AFG2A: variants seen among roughly 807,000 people sequenced by gnomAD.
AFG2A encodes the protein AAA ATPase AFG2A.
chr4:123,238,398 A>C, the AFG2A span, among the ~76,000 whole-genome samples: 1 of 152,180 alleles, frequency 6.6e-6, no homozygotes, highest in Non-Finnish European at 1.5e-5. Context: ...ACCCCCATGT[A>C]GCCTAACTGG....
chr4:122,982,031 G>T, the AFG2A span, among the ~76,000 whole-genome samples: 3 of 151,912 alleles, frequency 2.0e-5, no homozygotes, highest in East Asian at 3.9e-4. Context: ...ATGACTTTCA[G>T]TACTATATTA....
At chr4:123,199,403 G>C in the AFG2A span, among the ~76,000 whole-genome samples, 1 of 148,274 alleles carries the variant, frequency 6.7e-6, no homozygotes, top group South Asian at 2.1e-4. Flanking sequence ...TTTATGAAAG[G>C]AACATAGCAG....
At chr4:123,031,613 CAG>C in the AFG2A span, among the ~76,000 whole-genome samples, 1 of 152,138 alleles carries the variant, frequency 6.6e-6, no homozygotes, top group East Asian at 1.9e-4. Flanking sequence ...TGAAAGTGAT[CAG>C]AAAAAGTAGA....
chr4:123,125,758 T>C, the AFG2A span, among the ~76,000 whole-genome samples: 1 of 152,220 alleles, frequency 6.6e-6, no homozygotes, highest in African/African-American at 2.4e-5. Flanking sequence ...TGGCAAATAT[T>C]TAAACAAAAA....
At chr4:123,117,432 C>G in the AFG2A span, among the ~76,000 whole-genome samples, 1 of 148,884 alleles carries the variant, frequency 6.7e-6, no homozygotes, top group Non-Finnish European at 1.5e-5. Context: ...GTTTTTGGAA[C>G]CTGGCATACT....
chr4:123,219,387 CA>C, the AFG2A span, among the ~76,000 whole-genome samples: 1 of 152,164 alleles, frequency 6.6e-6, no homozygotes, highest in Admixed American at 6.5e-5. Flanking sequence ...GCTTTCAGTC[CA>C]TCAACTCAAA....
chr4:122,994,605 G>C, the AFG2A span, among the ~76,000 whole-genome samples: 2 of 151,922 alleles, frequency 1.3e-5, no homozygotes, highest in African/African-American at 4.8e-5. Flanking sequence ...TATACTTTTT[G>C]ATCTTGCCTT....
At chr4:123,117,215 A>T in the AFG2A span, among the ~76,000 whole-genome samples, 2 of 152,000 alleles carry the variant, frequency 1.3e-5, no homozygotes, top group African/African-American at 4.8e-5. Flanking sequence ...CTTCAGTGTA[A>T]GGAGTAGGTA....
chr4:123,127,995 G>A, the AFG2A span, among the ~76,000 whole-genome samples: 4 of 152,062 alleles, frequency 2.6e-5, no homozygotes, highest in African/African-American at 4.8e-5. Flanking sequence ...TATACTGATG[G>A]TATTACTGTA....
the AFG2A span, among the ~76,000 whole-genome samples, chr4:123,234,670 A>G: frequency 4.6e-5 from 7 of 152,124 alleles, no homozygotes; most frequent in African/African-American, 1.4e-4. Context: ...TTCATTTTAG[A>G]TACAAATTAT....
At chr4:123,051,012 G>A in the AFG2A span, among the ~76,000 whole-genome samples, 1 of 151,994 alleles carries the variant, frequency 6.6e-6, no homozygotes, top group South Asian at 2.1e-4. Flanking sequence ...TGGGATTACA[G>A]GTGTGAGGGT....
At chr4:123,199,467 T>G in the AFG2A span, among the ~76,000 whole-genome samples, 2 of 129,400 alleles carry the variant, frequency 1.5e-5, no homozygotes, top group African/African-American at 3.1e-5. Flanking sequence ...CAGAGGTTTT[T>G]TTTTTTTTTT....
the AFG2A span, among the ~76,000 whole-genome samples, chr4:123,268,246 C>T: frequency 6.6e-6 from 1 of 151,984 alleles, no homozygotes; most frequent in Non-Finnish European, 1.5e-5. Context: ...AAACAAGCAC[C>T]AGAAGCTCTA....
the AFG2A span, among the ~76,000 whole-genome samples, chr4:122,923,532 C>A: frequency 1.3e-5 from 2 of 152,178 alleles, no homozygotes; most frequent in Non-Finnish European, 2.9e-5. Context: ...TCCAAGGTTT[C>A]TCTTTTGTAA....
At chr4:123,300,646 T>C in the AFG2A span, among the ~76,000 whole-genome samples, 86 of 152,316 alleles carry the variant, frequency 5.6e-4, no homozygotes, top group African/African-American at 2.1e-3. Flanking sequence ...TTACACATAG[T>C]TAATACATGC....
At chr4:122,971,267 C>T in the AFG2A span, among the ~76,000 whole-genome samples, 13 of 152,086 alleles carry the variant, frequency 8.5e-5, no homozygotes, top group African/African-American at 1.9e-4. Context: ...AATAGCTGAG[C>T]GTGGTGGTAT....
chr4:122,979,256 T>C, the AFG2A span: 1 of 1,614,140 alleles, frequency 6.2e-7, no homozygotes, highest in Non-Finnish European at 8.5e-7. Context: ...CGGAGAATCC[T>C]GAAAAAACAG....
the AFG2A span, among the ~76,000 whole-genome samples, chr4:123,092,292 C>T: frequency 0.011 from 1,642 of 152,290 alleles, 35 homozygotes; most frequent in South Asian, 0.096. Flanking sequence ...AAATCTTTCT[C>T]CTGGTAAGAA....
chr4:123,042,235 G>C, the AFG2A span, among the ~76,000 whole-genome samples: 1 of 152,276 alleles, frequency 6.6e-6, no homozygotes, highest in East Asian at 1.9e-4. Context: ...TGGAGGCTGG[G>C]AAGTCCAAGA....
Sources: gnomAD v4.1 joint callset for allele counts (sites outside exome capture counted in the v4.1 genomes callset) on GRCh38, gnomAD v4.1.1 for gene constraint, MANE v1.5 for transcripts, NCBI Gene and HGNC (gene_info 2026-07-23, HGNC 2026-07-21) for gene names.